MEGF11: variants seen among roughly 807,000 people sequenced by gnomAD.
The protein encoded by MEGF11 is multiple EGF like domains 11.
In MEGF11, 126 loss-of-function variants were observed where a neutral mutation model predicts 146.6. The ratio of observed to expected loss-of-function variants is 0.86; its 90% confidence interval spans 0.74 to 1.00. MEGF11 has a LOEUF of 1.00. Among genes scored for constraint, MEGF11 ranks in the 50% least tolerant of loss-of-function variants. The pLI is 0.00. For synonymous variants in MEGF11, 532 were observed against 583.4 expected (o/e 0.91, Z 1.27); for missense variants, 1,509 against 1,521.2 (o/e 0.99, Z 0.13).
At chr15:65,899,816 C>T (rs1469038416) in intron 24 of MEGF11, among the ~76,000 whole-genome samples, 1 of 152,180 alleles carries the variant, frequency 6.6e-6, no homozygotes, top group South Asian at 2.1e-4. Flanking sequence ...GATACTAGAG[C>T]TCATGCTTCC....
intron 13 of MEGF11, among the ~76,000 whole-genome samples, chr15:65,924,724 G>A (rs2079308968): frequency 6.6e-6 from 1 of 151,614 alleles, no homozygotes; most frequent in Non-Finnish European, 1.5e-5. Flanking sequence ...TGCATCCGGG[G>A]TTCAAGCAAT....
chr15:65,970,452 C>G lies in MEGF11; in HGVS notation c.899+101G>C, dbSNP rs1038532105. 2.0e-5 allele frequency: 27 copies of G among 1,342,502 alleles called. No individual in the cohort carries two copies. The African/African-American group carries it at 3.8e-4, about 19-fold the overall frequency. The allele number at this position is 1,342,502 out of a possible 1,614,324, so 83.2% of individuals were successfully genotyped here. On this transcript the variant is annotated intron_variant, in intron 8 of 25. Transcript: ENST00000395614. ...CTCAGAGTGCTTTCTGAGAAAGGAA[C>G]TGGAAGGCTGGCAGAGAGAGGGCTA...
intron 5 of MEGF11, among the ~76,000 whole-genome samples, chr15:65,991,566 G>A (rs188802786): frequency 1.1e-4 from 16 of 152,254 alleles, no homozygotes; most frequent in Non-Finnish European, 2.2e-4. Flanking sequence ...GTACCTCCCC[G>A]ACACACATAC....
chr15:66,176,291 C>G (rs1312953209), intron 1 of MEGF11, among the ~76,000 whole-genome samples: 1 of 152,136 alleles, frequency 6.6e-6, no homozygotes, highest in African/African-American at 2.4e-5. Context: ...ATAGGATCCA[C>G]CAGTCCCACT....
At chr15:65,991,132 C>T (rs915343850) in intron 5 of MEGF11, among the ~76,000 whole-genome samples, 1 of 152,176 alleles carries the variant, frequency 6.6e-6, no homozygotes, top group African/African-American at 2.4e-5. Context: ...GTCTATACCT[C>T]CCTTAAACCT....
chr15:66,214,468 G>A (rs370779320), intron 1 of MEGF11, among the ~76,000 whole-genome samples: 11 of 152,182 alleles, frequency 7.2e-5, no homozygotes, highest in Non-Finnish European at 1.0e-4. Flanking sequence ...GGGAGGTCTC[G>A]GGCAGGGGGA....
chr15:66,212,307 C>T (rs989435567), intron 1 of MEGF11, among the ~76,000 whole-genome samples: 4 of 152,136 alleles, frequency 2.6e-5, no homozygotes, highest in African/African-American at 9.7e-5. Context: ...GAACCCCAGG[C>T]CCAGCACACA....
At chr15:65,950,592 C>G (rs1475823368) in intron 10 of MEGF11, among the ~76,000 whole-genome samples, 31 of 18,700 alleles carry the variant, frequency 1.7e-3, no homozygotes, top group African/African-American at 5.5e-3. Flanking sequence ...CAGACACACA[C>G]ACACACACAC....
intron 8 of MEGF11, among the ~76,000 whole-genome samples, chr15:65,968,332 G>A (rs768565066): frequency 3.3e-5 from 5 of 152,152 alleles, no homozygotes; most frequent in Non-Finnish European, 7.3e-5. Flanking sequence ...TGCTGGCCTC[G>A]AATGTCTCAA....
intron 1 of MEGF11, among the ~76,000 whole-genome samples, chr15:66,243,588 A>G (rs949656221): frequency 1.8e-4 from 27 of 152,202 alleles, no homozygotes; most frequent in Non-Finnish European, 3.5e-4. Context: ...TTTTGAGTGT[A>G]TTTTAGGGCC....
chr15:66,198,115 C>T (rs1012525162), intron 1 of MEGF11, among the ~76,000 whole-genome samples: 1 of 152,178 alleles, frequency 6.6e-6, no homozygotes, highest in Admixed American at 6.5e-5. Flanking sequence ...TAATCAAAGG[C>T]ATTCATAACT....
intron 5 of MEGF11, among the ~76,000 whole-genome samples, chr15:65,997,394 A>G (rs2082233074): frequency 6.6e-6 from 1 of 152,184 alleles, no homozygotes; most frequent in Non-Finnish European, 1.5e-5. Flanking sequence ...TGAGTGGGGA[A>G]TAAAAGCACC....
chr15:66,073,109 A>G (rs1281765980), intron 5 of MEGF11, among the ~76,000 whole-genome samples: 2 of 152,240 alleles, frequency 1.3e-5, no homozygotes, highest in Non-Finnish European at 2.9e-5. Flanking sequence ...CATGTCCCCA[A>G]GCAATCTAAG....
chr15:66,123,004 C>T (rs1368159232), intron 3 of MEGF11, among the ~76,000 whole-genome samples: 2 of 152,106 alleles, frequency 1.3e-5, no homozygotes, highest in African/African-American at 4.8e-5. Context: ...AGGATGATCT[C>T]GTTCTCCTGA....
intron 9 of MEGF11, among the ~76,000 whole-genome samples, chr15:65,960,899 A>T (rs1475714578): frequency 6.6e-6 from 1 of 151,450 alleles, no homozygotes; most frequent in Non-Finnish European, 1.5e-5. Flanking sequence ...TTAGGCACTA[A>T]TTTTACTCTT....
chr15:66,167,519 C>T (rs2090129426), intron 1 of MEGF11, among the ~76,000 whole-genome samples: 1 of 152,154 alleles, frequency 6.6e-6, no homozygotes, highest in Admixed American at 6.5e-5. Context: ...GTGGCGCCGG[C>T]CTGTAATCCC....
At chr15:66,160,855 C>CCAGAGCTAGAAGCAGGATGGCAGCTTAAA (rs2089930549) in intron 1 of MEGF11, among the ~76,000 whole-genome samples, 1 of 152,108 alleles carries the variant, frequency 6.6e-6, no homozygotes, top group Non-Finnish European at 1.5e-5. Context: ...ATCCAGTATG[C>CCAGAGCTAGAAGCAGGATGGCAGCTTAAA]CAGAGCTAGA....
intron 25 of MEGF11, chr15:65,898,367 G>C: frequency 1.0e-6 from 1 of 985,362 alleles, no homozygotes; most frequent in Non-Finnish European, 1.2e-6. Context: ...ACTGGGAGAA[G>C]GTAGAAGGTG....
intron 1 of MEGF11, among the ~76,000 whole-genome samples, chr15:66,188,851 T>C (rs900625373): frequency 1.3e-5 from 2 of 152,162 alleles, no homozygotes; most frequent in African/African-American, 2.4e-5. Flanking sequence ...CATGTGCAAT[T>C]TTTTTTCTTT....
Sources: allele counts gnomAD v4.1 joint callset (sites outside exome capture counted in the v4.1 genomes callset), GRCh38; gene constraint gnomAD v4.1.1; transcripts MANE v1.5; gene names NCBI Gene and HGNC (gene_info 2026-07-23, HGNC 2026-07-21).